TUNAR: variants seen among roughly 807,000 people sequenced by gnomAD.
The protein encoded by TUNAR is transmembrane neural differentiation associated intracellular calcium regulator, also known as protein TUNAR.
At chr14:95,908,144 G>A (rs1174446813) in intron 2 of TUNAR, among the ~76,000 whole-genome samples, 2 of 152,212 alleles carry the variant, frequency 1.3e-5, no homozygotes, top group Admixed American at 6.5e-5. Flanking sequence ...GCCTCCTGAT[G>A]CTGTTCATGG....
At chr14:95,891,410 C>G (rs1566786547) in intron 2 of TUNAR, among the ~76,000 whole-genome samples, 3 of 152,208 alleles carry the variant, frequency 2.0e-5, no homozygotes, top group Non-Finnish European at 2.9e-5. Context: ...CACAAGAGCC[C>G]TGCGATTCAT....
intron 2 of TUNAR, among the ~76,000 whole-genome samples, chr14:95,915,428 C>T (rs145827170): frequency 1.3e-5 from 2 of 152,308 alleles, no homozygotes; most frequent in Non-Finnish European, 2.9e-5. Context: ...AGTTGACCCA[C>T]CTGCTATCAC....
In TUNAR at chr14:95,902,824, G is replaced by A. The variant is rs147151123; in HGVS notation, c.13-19957G>A. Among the ~76,000 whole-genome samples, 573 of 152,244 alleles carry A rather than the reference G, an allele frequency of 3.8e-3. 3 individuals carry two copies. Among genetic ancestry groups the A allele is most frequent in the Admixed American group, 7.4e-3 (113 of 15,298 alleles). ...GAAGGGGTCTGCATTTCCCTGCATC[G>A]TTTCAACTTGTATTTCTGAGCCTAT... On this transcript the variant is annotated intron_variant, in intron 2 of 2. Coordinates refer to ENST00000678517, the Ensembl canonical transcript of TUNAR.
intron 2 of TUNAR, among the ~76,000 whole-genome samples, chr14:95,905,232 A>G (rs1889412807): frequency 1.3e-5 from 2 of 152,176 alleles, no homozygotes; most frequent in African/African-American, 4.8e-5. Context: ...GAAGTTACCA[A>G]CGTGTAATAC....
intron 2 of TUNAR, among the ~76,000 whole-genome samples, chr14:95,896,284 G>A (rs1889267713): frequency 6.6e-6 from 1 of 152,168 alleles, no homozygotes. Context: ...AGCCAGGCAG[G>A]GTGTCAGGGT....
intron 2 of TUNAR, among the ~76,000 whole-genome samples, chr14:95,891,392 CCTCT>C (rs1204582284): frequency 6.6e-6 from 1 of 152,150 alleles, no homozygotes; most frequent in Non-Finnish European, 1.5e-5. Flanking sequence ...TAATTTTCGC[CCTCT>C]CTCCACAAGA....
At chr14:95,888,379 A>G (rs767904614) in intron 2 of TUNAR, among the ~76,000 whole-genome samples, 3 of 152,216 alleles carry the variant, frequency 2.0e-5, no homozygotes, top group Non-Finnish European at 2.9e-5. Context: ...GTATTGGTGC[A>G]TACAAAAACA....
intron 2 of TUNAR, among the ~76,000 whole-genome samples, chr14:95,884,544 T>C (rs113125408): frequency 4.6e-5 from 7 of 152,368 alleles, no homozygotes; most frequent in African/African-American, 1.7e-4. Flanking sequence ...ACCACCATAG[T>C]AAAAGTAAAT....
chr14:95,878,971 T>C (rs1595113029), intron 2 of TUNAR, among the ~76,000 whole-genome samples: 1 of 152,028 alleles, frequency 6.6e-6, no homozygotes, highest in South Asian at 2.1e-4. Context: ...AAACAATTAC[T>C]GCAAATAAAT....
exon 3 of TUNAR, chr14:95,923,152 C>T (rs1889725411): frequency 5.1e-6 from 2 of 390,884 alleles, no homozygotes; most frequent in Non-Finnish European, 9.0e-6. Context: ...GGAGCAGACA[C>T]TAAAGCACAA....
chr14:95,921,760 A>G (rs1889700862), intron 2 of TUNAR, among the ~76,000 whole-genome samples: 1 of 152,154 alleles, frequency 6.6e-6, no homozygotes. Context: ...TTTTATGAAA[A>G]TCAAATAGCA....
intron 2 of TUNAR, among the ~76,000 whole-genome samples, chr14:95,888,275 G>A (rs1460057196): frequency 2.0e-5 from 3 of 152,174 alleles, no homozygotes; most frequent in Admixed American, 6.5e-5. Flanking sequence ...AGTCCTTTCC[G>A]TGGACTCTTT....
intron 2 of TUNAR, among the ~76,000 whole-genome samples, chr14:95,907,317 A>G (rs1889442466): frequency 6.6e-6 from 1 of 152,348 alleles, no homozygotes; most frequent in East Asian, 1.9e-4. Flanking sequence ...AGTCCAAGAA[A>G]TGGAGTTGCA....
chr14:95,894,558 G>A (rs746638674), intron 2 of TUNAR, among the ~76,000 whole-genome samples: 7 of 152,230 alleles, frequency 4.6e-5, no homozygotes, highest in East Asian at 3.9e-4. Flanking sequence ...CCTGCTTGTC[G>A]AAACACTTTT....
intron 2 of TUNAR, among the ~76,000 whole-genome samples, chr14:95,886,418 C>G (rs986484822): frequency 6.6e-6 from 1 of 152,228 alleles, no homozygotes; most frequent in Non-Finnish European, 1.5e-5. Context: ...TACCCTTGAA[C>G]TTCACCTTCC....
At chr14:95,906,597 G>A (rs904273698) in intron 2 of TUNAR, among the ~76,000 whole-genome samples, 2 of 152,188 alleles carry the variant, frequency 1.3e-5, no homozygotes, top group African/African-American at 4.8e-5. Context: ...TCAGCCTTAT[G>A]CTATCCAATC....
At chr14:95,904,179 A>G (rs953493676) in intron 2 of TUNAR, among the ~76,000 whole-genome samples, 1 of 152,214 alleles carries the variant, frequency 6.6e-6, no homozygotes, top group African/African-American at 2.4e-5. Context: ...GTCCCTCAGC[A>G]TAAACCTGGA....
rs145358009 is a variant in TUNAR at position 95,914,563 on chromosome 14, G to A, written c.13-8218G>A. On this transcript the variant is annotated intron_variant, in intron 2 of 2. Coordinates refer to ENST00000678517, the Ensembl canonical transcript of TUNAR. ...TTTAGGGTGGGCCTTCCCAGGAGAA[G>A]GGATCATGATTAGGAGTGGCTATGT... Among the ~76,000 whole-genome samples, 171 of 152,266 alleles carry A rather than the reference G, an allele frequency of 1.1e-3. 1 individual carries two copies. The highest frequency in any genetic ancestry group is 4.0e-3 in the African/African-American group (166 of 41,554).
In TUNAR at chr14:95,913,266, G is replaced by A. The variant is rs149461495; in HGVS notation, c.13-9515G>A. 3.5e-3 allele frequency among the ~76,000 whole-genome samples: 532 copies of A among 151,500 alleles called. 3 individuals are homozygous for A. Among genetic ancestry groups the A allele is most frequent in the African/African-American group, 0.013 (516 of 41,176 alleles). On this transcript the variant is annotated intron_variant, in intron 2 of 2. Transcript: ENST00000678517. ...CACCCATCAACCCATCATCATCTAG[G>A]TTTTAAGCCCCGCATGCATTGGGTA...
Sources: gnomAD v4.1 joint callset for allele counts (sites outside exome capture counted in the v4.1 genomes callset) on GRCh38, gnomAD v4.1.1 for gene constraint, MANE v1.5 for transcripts, NCBI Gene and HGNC (gene_info 2026-07-23, HGNC 2026-07-21) for gene names.